Variants in PARVB observed in about 807,000 individuals in gnomAD.
PARVB encodes the protein beta-parvin.
In PARVB, 46 loss-of-function variants were observed where a neutral mutation model predicts 47.0. The observed-to-expected ratio is 0.98, with a 90% CI of 0.77 to 1.25. PARVB has a LOEUF of 1.25. Ranked by LOEUF, PARVB falls within the 50% of genes most tolerant of loss-of-function variation. PARVB has a pLI of 0.00. For synonymous variants in PARVB, 196 were observed against 196.3 expected (o/e 1.00, Z 0.01); for missense variants, 473 against 471.6 (o/e 1.00, Z -0.03).
At chr22:44,023,075 C>T (rs946108658), upstream of PARVB, among the ~76,000 whole-genome samples, 1 of 152,128 alleles carries the variant, frequency 6.6e-6, no homozygotes, top group African/African-American at 2.4e-5. Context: ...AAGGCTGGGG[C>T]TTCTGGCTGT....
chr22:44,127,005 C>A (rs1461726136), intron 4 of PARVB, among the ~76,000 whole-genome samples: 1 of 152,186 alleles, frequency 6.6e-6, no homozygotes, highest in South Asian at 2.1e-4. Flanking sequence ...AAGGCACATC[C>A]TTTTGGTTCC....
chr22:44,136,595 G>A, intron 7 of PARVB, 77 bp downstream of exon 7: 1 of 1,223,268 alleles, frequency 8.2e-7, no homozygotes, highest in Non-Finnish European at 1.2e-6. Flanking sequence ...ACTTCAGCCA[G>A]GGACACCAGC....
At chr22:44,083,574 G>A (rs1441845545) in intron 1 of PARVB, among the ~76,000 whole-genome samples, 1 of 152,154 alleles carries the variant, frequency 6.6e-6, no homozygotes, top group African/African-American at 2.4e-5. Flanking sequence ...CAGACGGTGG[G>A]AAATGGGTGG....
intron 1 of PARVB, among the ~76,000 whole-genome samples, chr22:44,078,171 G>A (rs2051820296): frequency 6.6e-6 from 1 of 152,182 alleles, no homozygotes; most frequent in Admixed American, 6.5e-5. Context: ...GCTCAGGCAA[G>A]CTACTGTGTT....
chr22:44,160,860 C>G (rs1358173641), intron 11 of PARVB, among the ~76,000 whole-genome samples: 1 of 152,198 alleles, frequency 6.6e-6, no homozygotes, highest in African/African-American at 2.4e-5. Flanking sequence ...CCCGATCACA[C>G]TCTCCAGCCG....
intron 1 of PARVB, among the ~76,000 whole-genome samples, chr22:44,084,857 C>T (rs557156474): frequency 6.6e-6 from 1 of 152,318 alleles, no homozygotes; most frequent in South Asian, 2.1e-4. Flanking sequence ...ACTTTGTTTC[C>T]TTTAGGGTCC....
chr22:44,083,155 C>A (rs1399612202), intron 1 of PARVB, among the ~76,000 whole-genome samples: 1 of 152,178 alleles, frequency 6.6e-6, no homozygotes, highest in African/African-American at 2.4e-5. Context: ...TAATGTAAAC[C>A]TTAATGGAAA....
At chr22:44,140,366 TG>T in intron 8 of PARVB, 1 of 695,696 alleles carries the variant, frequency 1.4e-6, no homozygotes, top group Non-Finnish European at 2.7e-6. Flanking sequence ...CTAGGAGGAG[TG>T]GGGTGGAAGG....
At chr22:44,120,060 G>C in intron 4 of PARVB, 1 of 356,354 alleles carries the variant, frequency 2.8e-6, no homozygotes, top group Non-Finnish European at 5.6e-6. Flanking sequence ...TTCGACAGGT[G>C]GGGACGTTGG....
intron 1 of PARVB, among the ~76,000 whole-genome samples, chr22:44,044,412 G>C (rs150468372): frequency 6.6e-5 from 10 of 152,132 alleles, no homozygotes; most frequent in Middle Eastern, 3.4e-3. Context: ...GGATGGTCTC[G>C]ATCTCCTGAC....
chr22:44,109,008 C>T (rs1197294929), intron 3 of PARVB: 1 of 152,142 alleles, frequency 6.6e-6, no homozygotes, highest in Non-Finnish European at 1.5e-5. Flanking sequence ...GGGTGCGTCT[C>T]CCCCCAAGAG....
At chr22:44,151,461 G>C in intron 9 of PARVB, 22 bp from the exon 10 acceptor site, 1 of 1,605,760 alleles carries the variant, frequency 6.2e-7, no homozygotes, top group Non-Finnish European at 8.5e-7. Context: ...CATGGCTCCT[G>C]TGTCTCTTTT....
chr22:44,043,162 A>AC (rs2051050139), intron 1 of PARVB, among the ~76,000 whole-genome samples: 1 of 152,214 alleles, frequency 6.6e-6, no homozygotes. Context: ...AAGGATAAAT[A>AC]CTGTGTGATT....
intron 7 of PARVB, among the ~76,000 whole-genome samples, chr22:44,137,489 T>C (rs2053462961): frequency 6.6e-6 from 1 of 152,216 alleles, no homozygotes; most frequent in Non-Finnish European, 1.5e-5. Flanking sequence ...GTCTTAGTTG[T>C]TTATTGTTGT....
At chr22:44,150,407 C>T (rs2053777764) in intron 9 of PARVB, 1 of 152,258 alleles carries the variant, frequency 6.6e-6, no homozygotes, top group Non-Finnish European at 1.5e-5. Flanking sequence ...CGCTGTGGCT[C>T]ACACCTGTAA....
chr22:44,130,737 C>T (rs1246680969), intron 4 of PARVB, among the ~76,000 whole-genome samples: 4 of 152,182 alleles, frequency 2.6e-5, no homozygotes, highest in Non-Finnish European at 5.9e-5. Context: ...TCCTGACTCC[C>T]ACTTTCATTC....
intron 3 of PARVB, chr22:44,111,816 T>C (rs1305197014): frequency 6.6e-6 from 1 of 151,780 alleles, no homozygotes; most frequent in East Asian, 1.9e-4. Context: ...GTCACTTATC[T>C]AGTATTTGCG....
intron 1 of PARVB, among the ~76,000 whole-genome samples, chr22:44,084,532 C>T (rs994664264): frequency 2.6e-5 from 4 of 152,210 alleles, no homozygotes; most frequent in South Asian, 2.1e-4. Flanking sequence ...GAATAGGGCA[C>T]GAGATGTGAG....
intron 12 of PARVB, among the ~76,000 whole-genome samples, chr22:44,164,415 C>CA (rs1555913794): frequency 5.0e-5 from 7 of 139,178 alleles, no homozygotes; most frequent in East Asian, 1.9e-4. Flanking sequence ...CCTGTCCCCC[C>CA]CCCGGCTCCT....
Sources: gnomAD v4.1 joint callset for allele counts (sites outside exome capture counted in the v4.1 genomes callset) on GRCh38, gnomAD v4.1.1 for gene constraint, MANE v1.5 for transcripts, NCBI Gene and HGNC (gene_info 2026-07-23, HGNC 2026-07-21) for gene names.